Variants in DCAF1 observed in about 807,000 individuals in gnomAD.
DCAF1 encodes the protein DDB1 and CUL4 associated factor 1.
A neutral mutation model predicts 128.0 loss-of-function variants in DCAF1; 15 were observed. The observed-to-expected ratio is 0.12, with a 90% CI of 0.08 to 0.18. DCAF1 has a LOEUF of 0.18. DCAF1 is among the 10% of genes least tolerant of loss of function. The pLI is 1.00. For synonymous variants in DCAF1, 610 were observed against 603.0 expected (o/e 1.01, Z -0.17); for missense variants, 988 against 1,649.5 (o/e 0.60, Z 6.95).
chr3:51,413,395 GGA>G lies in DCAF1; in HGVS notation c.3932-11_3932-10del, dbSNP rs1559480876. On this transcript the variant is annotated splice_polypyrimidine_tract_variant and intron_variant, in intron 20 of 24. Coordinates refer to ENST00000684031, the MANE Select transcript of DCAF1 (RefSeq NM_001387579.1). The stretch of plus-strand genomic sequence containing the variant: ...ATCTGCCTGCAACATAGCTTGAGGG[GGA>G]GTGGGGGAGGAAACACTATTAGGAA... 2 of 1,608,944 alleles carry G rather than the reference GGA, an allele frequency of 1.2e-6. No homozygotes were observed. Among genetic ancestry groups the G allele is most frequent in the Non-Finnish European group, 1.7e-6 (2 of 1,177,462 alleles).
downstream of DCAF1, chr3:51,397,074 C>G (rs555810949): frequency 3.6e-5 from 6 of 167,188 alleles, no homozygotes; most frequent in South Asian, 1.2e-3. Flanking sequence ...AGAGTTTTAG[C>G]CGTCTTGTGT....
intron 3 of DCAF1, among the ~76,000 whole-genome samples, chr3:51,474,210 G>T (rs776422780): frequency 3.3e-5 from 5 of 152,044 alleles, no homozygotes; most frequent in Admixed American, 6.5e-5. Context: ...CCTGAGGTTG[G>T]GAGTTCGAAA....
At chr3:51,451,827 T>C (rs1211462248) in intron 6 of DCAF1, among the ~76,000 whole-genome samples, 1 of 152,024 alleles carries the variant, frequency 6.6e-6, no homozygotes, top group African/African-American at 2.4e-5. Context: ...TCAACAACTT[T>C]TTAAAAACAG....
At chr3:51,444,377 G>C (rs574404268) in intron 6 of DCAF1, among the ~76,000 whole-genome samples, 5 of 148,558 alleles carry the variant, frequency 3.4e-5, no homozygotes, top group Admixed American at 3.3e-4. Context: ...AAAAAAAAAA[G>C]TCTCACTCTG....
At chr3:51,471,146 T>C in intron 3 of DCAF1, 141 bp from the exon 4 acceptor site, 3 of 480,880 alleles carry the variant, frequency 6.2e-6, no homozygotes, top group Non-Finnish European at 1.1e-5. Context: ...CATAGAAATC[T>C]ACACAATTAT....
intron 22 of DCAF1, 100 bp downstream of exon 22, chr3:51,412,893 T>C (rs1420069156): frequency 6.6e-7 from 1 of 1,521,876 alleles, no homozygotes; most frequent in Non-Finnish European, 8.9e-7. Context: ...AGGAATGTAT[T>C]GACTTTACAT....
intron 2 of DCAF1, among the ~76,000 whole-genome samples, chr3:51,485,952 C>T (rs186106251): frequency 1.1e-3 from 157 of 149,502 alleles, no homozygotes; most frequent in South Asian, 3.5e-3. Context: ...AGCGCAGTGG[C>T]GCCATCTCGG....
At chr3:51,411,296 A>G in intron 23 of DCAF1, among the ~76,000 whole-genome samples, 1 of 152,234 alleles carries the variant, frequency 6.6e-6, no homozygotes, top group East Asian at 1.9e-4. Flanking sequence ...GCAAAGTCAA[A>G]TCCTAGTCAT....
intron 7 of DCAF1, among the ~76,000 whole-genome samples, chr3:51,443,124 A>T (rs73078647): frequency 2.0e-5 from 3 of 152,196 alleles, no homozygotes; most frequent in South Asian, 4.1e-4. Flanking sequence ...GATGGATATT[A>T]TAAGTGTTCA....
upstream of DCAF1, among the ~76,000 whole-genome samples, chr3:51,502,413 C>T (rs891346959): frequency 6.6e-6 from 1 of 151,968 alleles, no homozygotes; most frequent in East Asian, 1.9e-4. Context: ...AAAAATTTGC[C>T]GGACGTGGTG....
intron 2 of DCAF1, among the ~76,000 whole-genome samples, chr3:51,495,730 G>GA (rs1333115234): frequency 4.6e-5 from 7 of 151,828 alleles, no homozygotes; most frequent in Non-Finnish European, 4.4e-5. Flanking sequence ...CTGCCTCTAT[G>GA]AAAAAAATTT....
At chr3:51,470,433 A>G (rs1704606711) in intron 4 of DCAF1, among the ~76,000 whole-genome samples, 1 of 152,048 alleles carries the variant, frequency 6.6e-6, no homozygotes, top group African/African-American at 2.4e-5. Context: ...CAGGCATGAT[A>G]GCACACGCCT....
intron 6 of DCAF1, among the ~76,000 whole-genome samples, chr3:51,461,498 G>C (rs1243223505): frequency 6.6e-6 from 1 of 152,026 alleles, no homozygotes; most frequent in Non-Finnish European, 1.5e-5. Flanking sequence ...GTGGAAGTCA[G>C]TGTGGCGATT....
Position 51,418,830 on chromosome 3 carries a change from C to T in DCAF1, c.3283G>A (p.Gly1095Ser). Residue 1095 changes from glycine (G) to serine (S), a missense_variant, in exon 16 of 25, where the codon GGC becomes AGC. This residue lies in a region of DCAF1 where 105 missense variants were observed against 266.7 expected (regional missense o/e 0.39). Transcript: ENST00000684031. Reference sequence around the variant, plus strand: ...GCTGAGAATGCACAGCAGGTGAAGCCACTCTCATCTTCATTGGCTTCCCGG... The same window carrying T: ...GCTGAGAATGCACAGCAGGTGAAGCTACTCTCATCTTCATTGGCTTCCCGG... ...VFREANEDES[G>S]FTCCAFSARE... 6.2e-7 allele frequency: 1 copy of T among 1,613,866 alleles called. No individual in the cohort carries two copies. Among genetic ancestry groups the T allele is most frequent in the South Asian group, 1.1e-5 (1 of 91,074 alleles).
At chr3:51,410,507 A>ATAGCTAAATTTCAAAC (rs1553628132) in intron 23 of DCAF1, among the ~76,000 whole-genome samples, 1 of 151,952 alleles carries the variant, frequency 6.6e-6, no homozygotes, top group African/African-American at 2.4e-5. Context: ...AGTAAAACAC[A>ATAGCTAAATTTCAAAC]TAGCTAAATC....
chr3:51,418,660 C>G lies in DCAF1; in HGVS notation c.3435+18G>C. On this transcript the variant is annotated intron_variant, in intron 16 of 24. Coordinates refer to ENST00000684031, the MANE Select transcript of DCAF1 (RefSeq NM_001387579.1). ...TCTTGGAAGAATGACTGAGAGCATC[C>G]TAGGAAGGAACCCTTACCCTGGAAG... 6.3e-7 allele frequency: 1 copy of G among 1,598,222 alleles called. No homozygotes were observed. Among genetic ancestry groups the G allele is most frequent in the Non-Finnish European group, 8.5e-7 (1 of 1,172,084 alleles).
intron 24 of DCAF1, 21 bp from the exon 25 acceptor site, chr3:51,398,848 G>A: frequency 6.4e-7 from 1 of 1,573,416 alleles, no homozygotes; most frequent in Non-Finnish European, 8.6e-7. Context: ...AGAAAAGGGA[G>A]AGACAAGATT....
chr3:51,501,519 A>G (rs1295739929), upstream of DCAF1, among the ~76,000 whole-genome samples: 2 of 152,172 alleles, frequency 1.3e-5, no homozygotes, highest in Non-Finnish European at 2.9e-5. Flanking sequence ...CTTCACGGCA[A>G]TACTGTCACA....
chr3:51,425,436 C>T (rs1405885156), intron 13 of DCAF1, among the ~76,000 whole-genome samples: 1 of 151,940 alleles, frequency 6.6e-6, no homozygotes, highest in African/African-American at 2.4e-5. Context: ...CCTGCCACTG[C>T]ACTCCAGCCT....
Sources: allele counts gnomAD v4.1 joint callset (sites outside exome capture counted in the v4.1 genomes callset), GRCh38; gene constraint gnomAD v4.1.1; regional missense constraint gnomAD v4.1.1; transcripts MANE v1.5; gene names NCBI Gene and HGNC (gene_info 2026-07-23, HGNC 2026-07-21).